Variants in TRIM2 observed in about 807,000 individuals in gnomAD.
TRIM2 encodes the protein tripartite motif-containing protein 2.
A neutral mutation model predicts 75.2 loss-of-function variants in TRIM2; 20 were observed. That is an observed-to-expected ratio of 0.27 (90% CI 0.19 to 0.39). The LOEUF (loss-of-function observed/expected upper bound fraction) is 0.39. Among genes scored for constraint, TRIM2 ranks in the 10% least tolerant of loss-of-function variants. The pLI, the probability that TRIM2 is intolerant of heterozygous loss-of-function variation, is 1.00. For missense variants in TRIM2, 660 were observed against 990.8 expected (o/e 0.67, Z 4.48); for synonymous variants, 373 against 388.3 (o/e 0.96, Z 0.46).
chr4:153,234,666 C>T (rs1036736525), intron 1 of TRIM2, among the ~76,000 whole-genome samples: 1 of 152,190 alleles, frequency 6.6e-6, no homozygotes, highest in Non-Finnish European at 1.5e-5. Flanking sequence ...CTCTGTATGG[C>T]TGTTGAGAGT....
chr4:153,256,065 T>C (rs568898448), intron 1 of TRIM2, among the ~76,000 whole-genome samples: 38 of 152,304 alleles, frequency 2.5e-4, no homozygotes, highest in African/African-American at 9.1e-4. Flanking sequence ...TCTATGAATA[T>C]ACTAAAAGCC....
chr4:153,241,188 G>T lies in TRIM2; in HGVS notation c.31-29147G>T, dbSNP rs1258870351. ...GATCCCTTCTACAAGAGCTCAAAGG[G>T]ATCTTTAGCAGATGTCCGATCATAA... is the stretch of plus-strand genomic sequence containing the variant. On this transcript the variant is annotated intron_variant, in intron 1 of 11. Coordinates refer to ENST00000338700, the MANE Select transcript of TRIM2 (RefSeq NM_015271.5). Among the ~76,000 whole-genome samples, 4 of 152,338 alleles carry T rather than the reference G, an allele frequency of 2.6e-5. No individual in the cohort carries two copies. In the East Asian group the frequency reaches 7.7e-4, roughly 29 times the overall value.
chr4:153,182,151 G>A (rs1340845949), intron 1 of TRIM2, among the ~76,000 whole-genome samples: 1 of 152,216 alleles, frequency 6.6e-6, no homozygotes, highest in East Asian at 1.9e-4. Context: ...AGGTGAGGAA[G>A]AAGCTCTTTG....
intron 1 of TRIM2, among the ~76,000 whole-genome samples, chr4:153,244,171 CT>C (rs1560872391): frequency 6.7e-5 from 10 of 148,344 alleles, no homozygotes; most frequent in African/African-American, 2.3e-4. Context: ...TCTTCTTCTT[CT>C]TCTTCTTCTC....
At chr4:153,161,576 A>C (rs1729741483) in intron 1 of TRIM2, among the ~76,000 whole-genome samples, 1 of 152,196 alleles carries the variant, frequency 6.6e-6, no homozygotes, top group Non-Finnish European at 1.5e-5. Context: ...GCACAGCAGA[A>C]TCCTTGGGAA....
chr4:153,312,913 T>C (rs1766679548), intron 6 of TRIM2, among the ~76,000 whole-genome samples: 1 of 152,164 alleles, frequency 6.6e-6, no homozygotes. Flanking sequence ...GTTACCTAGC[T>C]ATTATTCAGA....
intron 1 of TRIM2, among the ~76,000 whole-genome samples, chr4:153,269,871 A>G (rs556611206): frequency 1.5e-3 from 228 of 152,278 alleles, no homozygotes; most frequent in Non-Finnish European, 2.6e-3. Context: ...GGGTTGGCTT[A>G]TTGGTCATTT....
Position 153,204,518 on chromosome 4 carries a change from G to C in TRIM2, c.-13G>C. 6.4e-7 allele frequency: 1 copy of C among 1,551,748 alleles called. No individual in the cohort carries two copies. The highest frequency in any genetic ancestry group is 8.7e-7 in the Non-Finnish European group (1 of 1,147,008). On this transcript the variant is annotated 5_prime_UTR_variant, in exon 1 of 12. Transcript: ENST00000338700. Reference sequence around the variant, plus strand: ...TAAGTCCCCAGATTGGAGGAGGCTGGCTCTGGTCTTCGATGCACAGGAGTG... The same window carrying C: ...TAAGTCCCCAGATTGGAGGAGGCTGCCTCTGGTCTTCGATGCACAGGAGTG...
chr4:153,314,155 C>G (rs946568049), intron 6 of TRIM2, among the ~76,000 whole-genome samples: 24 of 152,154 alleles, frequency 1.6e-4, no homozygotes, highest in African/African-American at 5.3e-4. Flanking sequence ...TTTCTCTCTG[C>G]CTCATCTATT....
At chr4:153,274,611 AT>A (rs1757614053) in intron 2 of TRIM2, among the ~76,000 whole-genome samples, 1 of 152,214 alleles carries the variant, frequency 6.6e-6, no homozygotes, top group Non-Finnish European at 1.5e-5. Context: ...TGTGATATGA[AT>A]ATAATATTCC....
intron 1 of TRIM2, among the ~76,000 whole-genome samples, chr4:153,254,864 A>G (rs1288788953): frequency 6.6e-6 from 1 of 152,226 alleles, no homozygotes; most frequent in African/African-American, 2.4e-5. Context: ...CAGGGGAAAA[A>G]TATTCCCAAT....
At chr4:153,306,779 T>G (rs1289934125) in intron 6 of TRIM2, among the ~76,000 whole-genome samples, 1 of 152,216 alleles carries the variant, frequency 6.6e-6, no homozygotes, top group Non-Finnish European at 1.5e-5. Flanking sequence ...TTGGCCTGGA[T>G]GAAAGCATTT....
chr4:153,247,349 G>A (rs1422708773), intron 1 of TRIM2, among the ~76,000 whole-genome samples: 1 of 152,208 alleles, frequency 6.6e-6, no homozygotes, highest in African/African-American at 2.4e-5. Context: ...GGGTGAGGAT[G>A]CAGAGGGAGG....
At chr4:153,187,415 C>T (rs1260226515) in intron 1 of TRIM2, among the ~76,000 whole-genome samples, 1 of 152,140 alleles carries the variant, frequency 6.6e-6, no homozygotes, top group Admixed American at 6.5e-5. Context: ...GCTTCTCTGA[C>T]CCACCAGGGC....
rs905175163 is a variant in TRIM2, at chr4:153,297,307, T to A, written c.1510+1271T>A. ...TTGTTGATTCTCCACCAGAGCAGAGTGGACGAGCTTGGGTGGATGCAGGAC... is the reference window on the plus strand; with the variant it reads ...TTGTTGATTCTCCACCAGAGCAGAGAGGACGAGCTTGGGTGGATGCAGGAC... On this transcript the variant is annotated intron_variant, in intron 6 of 11. Coordinates refer to ENST00000338700, the MANE Select transcript of TRIM2 (RefSeq NM_015271.5). Among the ~76,000 whole-genome samples the A allele has an allele frequency of 4.6e-5, 7 of 152,186 alleles. No individual in the cohort carries two copies. In the East Asian group the frequency reaches 1.4e-3, roughly 29 times the overall value.
upstream of TRIM2, among the ~76,000 whole-genome samples, chr4:153,201,826 T>C (rs142779413): frequency 2.8e-3 from 423 of 152,376 alleles, no homozygotes; most frequent in African/African-American, 9.6e-3. Context: ...GTGAAGGCTA[T>C]GTCACGGGCG....
At chr4:153,301,210 T>C (rs2150170426) in intron 6 of TRIM2, among the ~76,000 whole-genome samples, 2 of 150,942 alleles carry the variant, frequency 1.3e-5, no homozygotes. Flanking sequence ...AAAATAGACA[T>C]GGGGTCTCAC....
At chr4:153,222,662 C>T (rs1740926643) in intron 1 of TRIM2, 1 of 152,190 alleles carries the variant, frequency 6.6e-6, no homozygotes, top group Admixed American at 6.5e-5. Context: ...TGGGCCTGAG[C>T]ACAGAATGGA....
chr4:153,302,061 G>A (rs1052452491), intron 6 of TRIM2, among the ~76,000 whole-genome samples: 1 of 152,154 alleles, frequency 6.6e-6, no homozygotes, highest in Admixed American at 6.5e-5. Context: ...TAGATCACTT[G>A]GGGGTATGGG....
Sources: gnomAD v4.1 joint callset for allele counts (sites outside exome capture counted in the v4.1 genomes callset) on GRCh38, gnomAD v4.1.1 for gene constraint, MANE v1.5 for transcripts, NCBI Gene and HGNC (gene_info 2026-07-23, HGNC 2026-07-21) for gene names.